The following AEBP2 variants were observed in gnomAD, a reference collection of about 807,000 sequenced individuals.
The protein encoded by AEBP2 is zinc finger protein AEBP2.
Under a neutral mutation model 50.8 loss-of-function variants are expected in AEBP2, and 10 were observed. That is an observed-to-expected ratio of 0.20 (90% CI 0.12 to 0.33). The LOEUF (loss-of-function observed/expected upper bound fraction) is 0.33. Among genes scored for constraint, AEBP2 ranks in the 10% least tolerant of loss-of-function variants. AEBP2 has a pLI of 1.00. For missense variants in AEBP2, 570 were observed against 688.0 expected, an observed-to-expected ratio of 0.83 and a Z score of 1.92; for synonymous variants, 296 against 261.3, an observed-to-expected ratio of 1.13 and a Z score of -1.28.
At position 19,468,580 on chromosome 12, in the gene AEBP2, A is replaced by T. The variant is rs189884397; in HGVS notation, c.880-4668A>T. 7.7e-4 allele frequency among the ~76,000 whole-genome samples: 118 copies of T among 152,290 alleles called. No individual in the cohort carries two copies. The South Asian group carries it at 1.0e-2, about 13-fold the overall frequency. ...TCATTTGTGTTCTTCAGGTGCATAG[A>T]TGTTTGTGCATTTATCTATATTATC... On this transcript the variant is annotated intron_variant, in intron 2 of 7. Transcript: ENST00000266508.
chr12:19,448,672 G>GT (rs984304635), intron 1 of AEBP2, among the ~76,000 whole-genome samples: 35 of 151,430 alleles, frequency 2.3e-4, no homozygotes, highest in African/African-American at 4.1e-4. Flanking sequence ...AAAGAGAACA[G>GT]TTTTTTTTTG....
intron 1 of AEBP2, among the ~76,000 whole-genome samples, chr12:19,447,533 G>A (rs1450836248): frequency 2.6e-5 from 4 of 152,172 alleles, no homozygotes; most frequent in Non-Finnish European, 5.9e-5. Context: ...AGACACAACC[G>A]TCACTAGAAT....
chr12:19,470,752 A>AT (rs1948558598), intron 2 of AEBP2, among the ~76,000 whole-genome samples: 1 of 152,144 alleles, frequency 6.6e-6, no homozygotes, highest in Admixed American at 6.5e-5. Flanking sequence ...AAATTTAGTG[A>AT]TTGAGTGTTG....
chr12:19,439,731 T>C lies in AEBP2; in HGVS notation c.32T>C (p.Leu11Pro). 1 of 1,515,508 alleles carries C rather than the reference T, an allele frequency of 6.6e-7. No individual in the cohort carries two copies. The highest frequency in any genetic ancestry group is 8.8e-7 in the Non-Finnish European group (1 of 1,139,046). 93.9% of individuals were successfully genotyped at this position (1,515,508 alleles called of 1,614,324 possible). The change falls in exon 1 of 8, where the codon CTG becomes CCG. Residue 11 changes from leucine (L) to proline (P), a missense_variant. Around this residue, in one of 2 missense-constraint regions of AEBP2, gnomAD observed 386 missense variants for 336.8 expected, o/e 1.15. Coordinates refer to ENST00000266508, the MANE Select transcript of AEBP2 (RefSeq NM_153207.5). Reference protein sequence around the residue: MAAAITDMADLEELSRLSPLP... With the variant: MAAAITDMADPEELSRLSPLP... ...GCCGCTATCACCGACATGGCCGACC[T>C]GGAGGAGCTCTCCCGCCTGAGCCCT...
intron 6 of AEBP2, among the ~76,000 whole-genome samples, chr12:19,514,062 C>A (rs1417742554): frequency 1.3e-5 from 2 of 151,104 alleles, no homozygotes. Context: ...TGCAGTGGTG[C>A]ACTCTTGGCT....
chr12:19,448,517 A>G (rs973921841), intron 1 of AEBP2, among the ~76,000 whole-genome samples: 3 of 151,998 alleles, frequency 2.0e-5, no homozygotes, highest in Non-Finnish European at 4.4e-5. Flanking sequence ...CAGGTCTCAT[A>G]TATACTTGCA....
At chr12:19,446,021 T>C (rs1400849209) in intron 1 of AEBP2, 1 of 152,228 alleles carries the variant, frequency 6.6e-6, no homozygotes, top group Non-Finnish European at 1.5e-5. Context: ...TCTGTATTGT[T>C]CCAAGTTTAT....
intron 4 of AEBP2, among the ~76,000 whole-genome samples, chr12:19,498,433 C>G (rs760549228): frequency 6.6e-6 from 1 of 152,050 alleles, no homozygotes; most frequent in Non-Finnish European, 1.5e-5. Context: ...AGAGAAAAGA[C>G]CTGTTTGTTT....
chr12:19,516,724 C>T (rs146576259), intron 7 of AEBP2, among the ~76,000 whole-genome samples: 564 of 152,098 alleles, frequency 3.7e-3, no homozygotes, highest in Admixed American at 6.7e-3. Context: ...TTTTCCTTAC[C>T]TGTATCAAAA....
intron 1 of AEBP2, among the ~76,000 whole-genome samples, chr12:19,412,284 A>G (rs1178101534): frequency 6.6e-6 from 1 of 151,822 alleles, no homozygotes; most frequent in Admixed American, 6.6e-5. Flanking sequence ...AATTTTTTTT[A>G]TCTTTTATTT....
chr12:19,429,854 T>A (rs1469563963), intron 1 of AEBP2, among the ~76,000 whole-genome samples: 17 of 152,190 alleles, frequency 1.1e-4, no homozygotes, highest in South Asian at 2.1e-4. Context: ...TTTGTTTGAG[T>A]TCATTGTACA....
intron 2 of AEBP2, 138 bp from the exon 3 acceptor site, chr12:19,473,106 ATATT>A: frequency 3.0e-6 from 1 of 334,620 alleles, no homozygotes; most frequent in East Asian, 5.1e-5. Flanking sequence ...CAGTTTATGT[ATATT>A]AAGCATTTTG....
chr12:19,493,888 C>T lies in AEBP2; in HGVS notation c.1076C>T (p.Ser359Leu), dbSNP rs1948930796. ...VPTHFSQQNSSKVSSQPKAKE... is the reference protein window; with the variant it reads ...VPTHFSQQNSLKVSSQPKAKE... ...ACACACTTCAGTCAGCAGAACTCCT[C>T]AAAAGTTTCTAGCCAGCCAAAGGCC... The change falls in exon 4 of 8, where the codon TCA (serine) becomes TTA (leucine). Residue 359 changes from serine (S) to leucine (L), a missense_variant. Ser to Leu is a moderately radical substitution (Grantham distance 145). Around this residue, in one of 2 missense-constraint regions of AEBP2, gnomAD observed 184 missense variants for 351.2 expected, o/e 0.52. Transcript: ENST00000266508. The T allele has an allele frequency of 2.5e-6, 4 of 1,613,824 alleles. No individual in the cohort carries two copies.
chr12:19,493,729 T>C (rs879002435), intron 3 of AEBP2, 71 bp from the exon 4 acceptor site: 10 of 1,400,370 alleles, frequency 7.1e-6, no homozygotes, highest in South Asian at 1.3e-5. Context: ...ATACTAGATA[T>C]TCACTCATTG....
intron 2 of AEBP2, among the ~76,000 whole-genome samples, chr12:19,470,527 A>T (rs189808832): frequency 1.3e-5 from 2 of 152,296 alleles, no homozygotes; most frequent in East Asian, 3.9e-4. Flanking sequence ...CTTTACGCCT[A>T]CTTCATTTGG....
rs372346927 is a variant in AEBP2, at chr12:19,427,422, T to A, written c.-17+23206T>A. On this transcript the variant is annotated intron_variant, in intron 1 of 3. Coordinates refer to the AEBP2 transcript ENST00000538425. Reference sequence around the variant, plus strand: ...AAACGCAGAGGAAGGGTGAACTCTCTCTGTTCTTGAGGTGTGACATGCATC... The same window carrying A: ...AAACGCAGAGGAAGGGTGAACTCTCACTGTTCTTGAGGTGTGACATGCATC... 1.4e-4 allele frequency among the ~76,000 whole-genome samples: 21 copies of A among 148,828 alleles called. No homozygotes were observed. In the South Asian group the frequency reaches 2.4e-3, roughly 17 times the overall value.
upstream of AEBP2, among the ~76,000 whole-genome samples, chr12:19,436,527 C>T (rs1489459277): frequency 3.3e-5 from 5 of 151,764 alleles, no homozygotes; most frequent in East Asian, 1.9e-4. Flanking sequence ...CTCCTGGGGT[C>T]GGGATCGGGG....
At chr12:19,453,897 A>G (rs1380227506) in intron 1 of AEBP2, among the ~76,000 whole-genome samples, 5 of 151,860 alleles carry the variant, frequency 3.3e-5, no homozygotes, top group African/African-American at 1.2e-4. Flanking sequence ...CCACGGCTCA[A>G]GTGATTCTCC....
At chr12:19,420,328 A>ATTTTTTTT (rs780103252) in intron 1 of AEBP2, among the ~76,000 whole-genome samples, 1 of 76,584 alleles carries the variant, frequency 1.3e-5, no homozygotes, top group Non-Finnish European at 2.3e-5. Context: ...TGTGCTGACC[A>ATTTTTTTT]TTTTTTTTTT....
Sources: gnomAD v4.1 joint callset for allele counts (sites outside exome capture counted in the v4.1 genomes callset) on GRCh38, gnomAD v4.1.1 for gene constraint, gnomAD v4.1.1 regional missense constraint, MANE v1.5 for transcripts, NCBI Gene and HGNC (gene_info 2026-07-23, HGNC 2026-07-21) for gene names.